SLC25A13: variants seen among roughly 807,000 people sequenced by gnomAD.
SLC25A13 encodes the protein solute carrier family 25 member 13.
Under a neutral mutation model 85.5 loss-of-function variants are expected in SLC25A13, and 70 were observed. The ratio of observed to expected loss-of-function variants is 0.82; its 90% CI spans 0.68 to 1.00. SLC25A13 has a LOEUF of 1.00. SLC25A13 is among the 50% of genes least tolerant of loss of function. The pLI, the probability that SLC25A13 is intolerant of heterozygous loss-of-function variation, is 0.00. For missense variants in SLC25A13, 765 were observed against 819.8 expected (o/e 0.93, Z 0.82); for synonymous variants, 259 against 288.7 (o/e 0.90, Z 1.04).
chr7:96,220,756 T>C (rs1393872200), intron 4 of SLC25A13, among the ~76,000 whole-genome samples: 3 of 152,100 alleles, frequency 2.0e-5, no homozygotes, highest in Non-Finnish European at 4.4e-5. Flanking sequence ...TCATCATGCA[T>C]GCACATGAAC....
intron 15 of SLC25A13, among the ~76,000 whole-genome samples, chr7:96,122,964 T>G (rs1338906782): frequency 6.6e-6 from 1 of 152,228 alleles, no homozygotes; most frequent in Non-Finnish European, 1.5e-5. Flanking sequence ...TAAGAATTTC[T>G]GTCCAAACCA....
intron 1 of SLC25A13, chr7:96,309,514 A>C (rs1799876949): frequency 6.6e-6 from 1 of 152,204 alleles, no homozygotes; most frequent in Non-Finnish European, 1.5e-5. Context: ...ATTATTAGAA[A>C]AAGGTTTACA....
chr7:96,305,313 C>A (rs985463675), intron 1 of SLC25A13, among the ~76,000 whole-genome samples: 16 of 152,134 alleles, frequency 1.1e-4, no homozygotes, highest in Admixed American at 4.6e-4. Flanking sequence ...AGAATGGAGA[C>A]ACTGGACAAC....
chr7:96,259,656 C>CA (rs969009900), intron 3 of SLC25A13, among the ~76,000 whole-genome samples: 1 of 152,066 alleles, frequency 6.6e-6, no homozygotes, highest in African/African-American at 2.4e-5. Flanking sequence ...GGTGATTCCT[C>CA]AAGAATCTAG....
chr7:96,276,579 T>C (rs1196142145), intron 3 of SLC25A13, among the ~76,000 whole-genome samples: 2 of 152,080 alleles, frequency 1.3e-5, no homozygotes, highest in East Asian at 3.9e-4. Flanking sequence ...GCCAAGATCA[T>C]GCCACTGTAC....
At chr7:96,215,569 G>A (rs1584466565) in intron 4 of SLC25A13, among the ~76,000 whole-genome samples, 1 of 152,044 alleles carries the variant, frequency 6.6e-6, no homozygotes, top group Non-Finnish European at 1.5e-5. Context: ...AACTGGTGCA[G>A]GGACAATATC....
intron 15 of SLC25A13, among the ~76,000 whole-genome samples, chr7:96,129,543 T>C (rs1791923579): frequency 6.6e-6 from 1 of 152,192 alleles, no homozygotes; most frequent in African/African-American, 2.4e-5. Flanking sequence ...AATTAAAGTA[T>C]CTAAAATTGA....
intron 2 of SLC25A13, among the ~76,000 whole-genome samples, chr7:96,286,444 GT>G (rs1798889853): frequency 6.6e-6 from 1 of 152,072 alleles, no homozygotes; most frequent in Non-Finnish European, 1.5e-5. Context: ...TCTTTACTTT[GT>G]ATGTGTTGTT....
At chr7:96,213,663 G>A (rs935297061) in intron 4 of SLC25A13, among the ~76,000 whole-genome samples, 4 of 152,236 alleles carry the variant, frequency 2.6e-5, no homozygotes, top group South Asian at 2.1e-4. Flanking sequence ...AGAATAACTC[G>A]TAACTCAGTC....
chr7:96,218,981 A>G (rs543364255), intron 4 of SLC25A13, among the ~76,000 whole-genome samples: 1 of 152,330 alleles, frequency 6.6e-6, no homozygotes, highest in East Asian at 1.9e-4. Flanking sequence ...AAATTGTTGA[A>G]TTCGTACATT....
At position 96,235,015 on chromosome 7, in the gene SLC25A13, C is replaced by T. The variant is rs560915400; in HGVS notation, c.213-98G>A. 9 of 796,524 alleles carry T rather than the reference C, an allele frequency of 1.1e-5. No individual in the cohort carries two copies. In the African/African-American group the frequency reaches 1.2e-4, roughly 11 times the overall value. 49.3% of individuals were successfully genotyped at this position (796,524 alleles called of 1,614,324 possible). On this transcript the variant is annotated intron_variant, in intron 3 of 17. Coordinates refer to ENST00000265631, the MANE Select transcript of SLC25A13 (RefSeq NM_014251.3). Reference sequence around the variant, plus strand: ...GAGGGAAAAAATAAGATATCACTGCCAAAACATAAAATTCAAACTGAAAAC... The same window carrying T: ...GAGGGAAAAAATAAGATATCACTGCTAAAACATAAAATTCAAACTGAAAAC...
chr7:96,278,145 C>T (rs1191458649), intron 2 of SLC25A13, among the ~76,000 whole-genome samples: 2 of 152,154 alleles, frequency 1.3e-5, no homozygotes, highest in Admixed American at 6.5e-5. Flanking sequence ...TTGCATGGAG[C>T]CCTAAGGGCA....
chr7:96,296,314 A>T (rs972573311), intron 2 of SLC25A13, among the ~76,000 whole-genome samples: 1 of 152,094 alleles, frequency 6.6e-6, no homozygotes, highest in African/African-American at 2.4e-5. Context: ...TGGAAAGGTA[A>T]ATGGGTTGCA....
intron 2 of SLC25A13, among the ~76,000 whole-genome samples, chr7:96,284,912 T>C (rs1798828491): frequency 6.6e-6 from 1 of 152,208 alleles, no homozygotes. Flanking sequence ...CAGAACAGAC[T>C]AATACAATAG....
At chr7:96,240,770 GA>G (rs368240565) in intron 3 of SLC25A13, among the ~76,000 whole-genome samples, 273 of 149,322 alleles carry the variant, frequency 1.8e-3, no homozygotes, top group Non-Finnish European at 3.3e-3. Flanking sequence ...AGAAAAGAAA[GA>G]AAAAAACCCT....
intron 2 of SLC25A13, among the ~76,000 whole-genome samples, chr7:96,288,183 C>T (rs1476165125): frequency 1.3e-5 from 2 of 152,192 alleles, no homozygotes; most frequent in African/African-American, 4.8e-5. Flanking sequence ...GTAATCCCAG[C>T]ACTTTAGGAG....
Position 96,121,973 on chromosome 7 carries a change from G to T in SLC25A13, c.1616C>A (p.Thr539Asn), listed in dbSNP as rs746205031. ...TCTCGTCTTGATAACATCAGCAGGG[G>T]TCACTAAAGATGCTGCAGGCATACC... is the stretch of plus-strand genomic sequence containing the variant. The part of the protein sequence containing the change: ...IAGMPAASLV[T>N]PADVIKTRLQ... The change falls in exon 16 of 18, where the codon ACC becomes AAC. Residue 539 changes from threonine to asparagine, a missense_variant. Physicochemically the swap from Thr to Asn is moderately conservative, Grantham distance 65. Coordinates refer to ENST00000265631, the MANE Select transcript of SLC25A13 (RefSeq NM_014251.3). 1.2e-5 allele frequency: 20 copies of T among 1,614,104 alleles called. No individual in the cohort carries two copies. The highest frequency in any genetic ancestry group is 1.2e-4 in the South Asian group (11 of 91,078).
At chr7:96,266,414 C>T (rs1182142226) in intron 3 of SLC25A13, among the ~76,000 whole-genome samples, 2 of 152,154 alleles carry the variant, frequency 1.3e-5, no homozygotes, top group Non-Finnish European at 2.9e-5. Context: ...CTAGAAAAGA[C>T]CCTCCTTCAA....
intron 13 of SLC25A13, among the ~76,000 whole-genome samples, chr7:96,164,746 A>AC (rs1554344473): frequency 9.2e-5 from 14 of 151,842 alleles, no homozygotes; most frequent in African/African-American, 1.4e-4. Context: ...ACACACACAC[A>AC]AAAGAAGCAG....
Sources: gnomAD v4.1 joint callset for allele counts (sites outside exome capture counted in the v4.1 genomes callset) on GRCh38, gnomAD v4.1.1 for gene constraint, MANE v1.5 for transcripts, NCBI Gene and HGNC (gene_info 2026-07-23, HGNC 2026-07-21) for gene names.